Variants in RTL4 observed in about 807,000 individuals in gnomAD.
RTL4 encodes the protein retrotransposon Gag-like protein 4.
A neutral mutation model predicts 5.3 loss-of-function variants in RTL4; 4 were observed. That is an observed-to-expected ratio of 0.75 (90% CI 0.37 to 1.72). RTL4 has a LOEUF of 1.72. Ranked by LOEUF, RTL4 falls within the 40% of genes most tolerant of loss-of-function variation. The probability of loss-of-function intolerance (pLI) is 0.04; values close to 1 mark genes in which losing one functional copy is unlikely to be tolerated. For missense variants in RTL4, 260 were observed against 227.1 expected, an observed-to-expected ratio of 1.14 and a Z score of -0.93; for synonymous variants, 98 against 87.3, an observed-to-expected ratio of 1.12 and a Z score of -0.68.
the RTL4 span, among the ~76,000 whole-genome samples, chrX:112,285,724 C>T: frequency 9.0e-6 from 1 of 111,175 alleles, no homozygotes; most frequent in African/African-American, 3.3e-5. Context: ...CTTTAAATAC[C>T]ATCTCTATAC....
the RTL4 span, among the ~76,000 whole-genome samples, chrX:112,132,032 C>CA: frequency 8.9e-6 from 1 of 111,783 alleles, no homozygotes; most frequent in African/African-American, 3.3e-5. Context: ...TCCAAGGAGA[C>CA]AGAGTCTGGA....
chrX:112,177,584 T>A, the RTL4 span, among the ~76,000 whole-genome samples: 3 of 110,229 alleles, frequency 2.7e-5, no homozygotes, highest in African/African-American at 9.9e-5. Context: ...TGGTTATTAA[T>A]CCCTTGTTGG....
chrX:112,369,045 G>A, the RTL4 span, among the ~76,000 whole-genome samples: 1 of 112,644 alleles, frequency 8.9e-6, no homozygotes, highest in Non-Finnish European at 1.9e-5. Flanking sequence ...AGTGCCTCTT[G>A]CCCATATTCT....
At chrX:112,392,620 C>T in the RTL4 span, among the ~76,000 whole-genome samples, 12 of 110,930 alleles carry the variant, frequency 1.1e-4, no homozygotes, top group East Asian at 2.0e-3. Context: ...GTCCTGTGCT[C>T]CTTTAGCCCC....
the RTL4 span, among the ~76,000 whole-genome samples, chrX:112,199,284 G>A: frequency 3.1e-4 from 27 of 86,680 alleles, no homozygotes; most frequent in African/African-American, 1.1e-3. Flanking sequence ...GCGAGGCTCC[G>A]TCTCAAAAAA....
At chrX:112,155,281 C>T in the RTL4 span, among the ~76,000 whole-genome samples, 1 of 109,677 alleles carries the variant, frequency 9.1e-6, no homozygotes, top group Admixed American at 9.9e-5. Context: ...TATCTTATTC[C>T]CTGGCTTTTC....
chrX:112,269,376 A>G, the RTL4 span, among the ~76,000 whole-genome samples: 7 of 111,578 alleles, frequency 6.3e-5, no homozygotes, highest in Non-Finnish European at 1.1e-4. Context: ...AACTGAAGGC[A>G]ATGATTTAGA....
the RTL4 span, among the ~76,000 whole-genome samples, chrX:112,214,166 A>G: frequency 9.0e-6 from 1 of 110,542 alleles, no homozygotes; most frequent in Non-Finnish European, 1.9e-5. Context: ...CTCTAATACC[A>G]CTCAATTTCC....
At chrX:112,416,934 G>A in the RTL4 span, among the ~76,000 whole-genome samples, 2 of 111,781 alleles carry the variant, frequency 1.8e-5, no homozygotes, top group South Asian at 3.7e-4. Flanking sequence ...TACAAATACA[G>A]CCCTTAGAAT....
chrX:112,454,239 T>A (rs1224625692), upstream of RTL4, among the ~76,000 whole-genome samples: 4 of 111,402 alleles, frequency 3.6e-5, no homozygotes, highest in Admixed American at 9.5e-5. Flanking sequence ...AAAAAAACAA[T>A]CACAAAAAAT....
chrX:112,239,440 T>C, the RTL4 span, among the ~76,000 whole-genome samples: 1 of 111,365 alleles, frequency 9.0e-6, no homozygotes, highest in Admixed American at 9.5e-5. Context: ...TGAGACTGAA[T>C]GATGAGGTGT....
chrX:112,425,667 C>A, the RTL4 span, among the ~76,000 whole-genome samples: 1 of 111,641 alleles, frequency 9.0e-6, no homozygotes, highest in Non-Finnish European at 1.9e-5. Context: ...ATTTGCAATT[C>A]TCTAATGACA....
chrX:112,426,048 G>A, the RTL4 span, among the ~76,000 whole-genome samples: 1 of 111,325 alleles, frequency 9.0e-6, no homozygotes, highest in South Asian at 3.7e-4. Flanking sequence ...TCTTCTGGGA[G>A]TTTTATTGTT....
At chrX:112,325,187 A>G in the RTL4 span, among the ~76,000 whole-genome samples, 1 of 112,017 alleles carries the variant, frequency 8.9e-6, no homozygotes, top group East Asian at 2.8e-4. Flanking sequence ...ATGCTCATGG[A>G]TAGGAAGAAT....
chrX:112,180,902 C>T, the RTL4 span, among the ~76,000 whole-genome samples: 2 of 112,147 alleles, frequency 1.8e-5, no homozygotes, highest in African/African-American at 6.5e-5. Flanking sequence ...ATGGCCGAAT[C>T]GGGACAGCTC....
At chrX:112,357,209 C>T in the RTL4 span, among the ~76,000 whole-genome samples, 20 of 109,784 alleles carry the variant, frequency 1.8e-4, no homozygotes, top group African/African-American at 6.0e-4. Flanking sequence ...TTCAGTACCT[C>T]TAATCTTACT....
At chrX:112,218,682 G>A in the RTL4 span, among the ~76,000 whole-genome samples, 94 of 111,305 alleles carry the variant, frequency 8.4e-4, 1 homozygote, top group Admixed American at 8.9e-3. Context: ...ATTGTGATTC[G>A]GGATTTGGTT....
the RTL4 span, among the ~76,000 whole-genome samples, chrX:112,326,544 C>T: frequency 4.9e-3 from 544 of 111,896 alleles, 4 homozygotes; most frequent in African/African-American, 0.016. Flanking sequence ...ACAGCAGTCT[C>T]AGATCAAACT....
At chrX:112,183,186 C>A in the RTL4 span, among the ~76,000 whole-genome samples, 1 of 112,318 alleles carries the variant, frequency 8.9e-6, no homozygotes, top group Non-Finnish European at 1.9e-5. Context: ...AAAGGAAAAA[C>A]TGGTTCCAGC....
Sources: gnomAD v4.1 joint callset for allele counts (sites outside exome capture counted in the v4.1 genomes callset) on GRCh38, gnomAD v4.1.1 for gene constraint, MANE v1.5 for transcripts, NCBI Gene and HGNC (gene_info 2026-07-23, HGNC 2026-07-21) for gene names.